SYNE1: variants seen among roughly 807,000 people sequenced by gnomAD.
SYNE1 encodes the protein spectrin repeat containing nuclear envelope protein 1.
In SYNE1, 616 loss-of-function variants were observed where a neutral mutation model predicts 1,111.0. The observed-to-expected ratio is 0.55, with a 90% CI of 0.52 to 0.59. The LOEUF (loss-of-function observed/expected upper bound fraction) is 0.59. SYNE1 is among the 20% of genes least tolerant of loss of function. The pLI, the probability that SYNE1 is intolerant of heterozygous loss-of-function variation, is 0.00. For missense variants in SYNE1, 10,006 were observed against 10,417.0 expected, an observed-to-expected ratio of 0.96 and a Z score of 1.72; for synonymous variants, 3,855 against 3,825.8, an observed-to-expected ratio of 1.01 and a Z score of -0.28.
chr6:152,493,966 G>A (rs772152850), intron 11 of SYNE1, among the ~76,000 whole-genome samples: 17 of 152,074 alleles, frequency 1.1e-4, no homozygotes, highest in Non-Finnish European at 2.1e-4. Context: ...TCACACACTA[G>A]CTCTCCCTAA....
At chr6:152,334,471 G>A (rs112034529) in intron 76 of SYNE1, among the ~76,000 whole-genome samples, 198 bp from the exon 77 acceptor site, 19 of 152,196 alleles carry the variant, frequency 1.2e-4, no homozygotes, top group African/African-American at 2.6e-4. Context: ...TAATTCCCAC[G>A]TGTGCAAGAT....
chr6:152,344,071 AGTTTACTACCTGCTTAATG>A lies in SYNE1; in HGVS notation c.12216_12225+9del. ...CACAAGAATAACACAAACTTTCAGGAGTTTACTACCTGCTTAATGGCTTCTGCCCTACTAAGAGGTGGTT... is the reference window on the plus strand; with the variant it reads ...CACAAGAATAACACAAACTTTCAGGAGCTTCTGCCCTACTAAGAGGTGGTT... On this transcript the variant is annotated splice_donor_variant and splice_donor_5th_base_variant and coding_sequence_variant and intron_variant, in exon 74 of 146. Transcript: ENST00000367255. LOFTEE classifies it high-confidence loss of function. The A allele has an allele frequency of 6.2e-7, 1 of 1,614,140 alleles. No individual in the cohort carries two copies. The highest frequency in any genetic ancestry group is 8.5e-7 in the Non-Finnish European group (1 of 1,180,004).
rs879443989 is a variant in SYNE1 at position 152,576,925 on chromosome 6, C to A, written c.68-36904G>T. Reference sequence around the variant, plus strand: ...AGATATATGGAAAATAGATTGGGGTCTAAAGCAAATAGCATTTTTAGTAAT... The same window carrying A: ...AGATATATGGAAAATAGATTGGGGTATAAAGCAAATAGCATTTTTAGTAAT... On this transcript the variant is annotated intron_variant, in intron 3 of 145. Transcript: ENST00000367255. Among the ~76,000 whole-genome samples, 71 of 152,116 alleles carry A rather than the reference C, an allele frequency of 4.7e-4. 1 individual carries two copies. The highest frequency in any genetic ancestry group is 5.6e-4 in the Non-Finnish European group (38 of 68,010).
In SYNE1 at chr6:152,385,541, G is replaced by C. The variant is rs2097513370; in HGVS notation, c.8652+133C>G. 1.4e-5 allele frequency: 13 copies of C among 942,952 alleles called. No homozygotes were observed. In the South Asian group the frequency reaches 1.9e-4, roughly 14 times the overall value. The allele number at this position is 942,952 out of a possible 1,614,324, so 58.4% of individuals were successfully genotyped here. A position where few individuals can be genotyped will look rare whatever the true frequency, so the allele number is the denominator to read the frequency against. On this transcript the variant is annotated intron_variant, in intron 55 of 145. Transcript: ENST00000367255. ...TTCTCATGACTCTTGTTTATGTGTAGAATCAGTGAGGCATCAAATAGAAAA... is the reference window on the plus strand; with the variant it reads ...TTCTCATGACTCTTGTTTATGTGTACAATCAGTGAGGCATCAAATAGAAAA...
In SYNE1 at chr6:152,455,458, C is replaced by T; in HGVS notation, c.2860G>A (p.Gly954Arg). Residue 954 changes from glycine (G) to arginine (R), a missense_variant, in exon 24 of 146, where the codon GGG becomes AGG. Gly to Arg is a moderately radical substitution (Grantham distance 125, BLOSUM62 -2). Around this residue, in one of 7 missense-constraint regions of SYNE1, gnomAD observed 1,971 missense variants for 2,084.1 expected, o/e 0.95. Coordinates refer to ENST00000367255, the MANE Select transcript of SYNE1 (RefSeq NM_182961.4). ...CTCCGCAGGAGCTCCTCTGGATCCCCCTTTTCCTCCAGGCCCTCCTGAGCA... is the reference window on the plus strand; with the variant it reads ...CTCCGCAGGAGCTCCTCTGGATCCCTCTTTTCCTCCAGGCCCTCCTGAGCA... ...RIAQEGLEEKGDPEELLRRHT... is the reference protein window; with the variant it reads ...RIAQEGLEEKRDPEELLRRHT... The T allele has an allele frequency of 6.2e-7, 1 of 1,614,164 alleles. No homozygotes were observed. The highest frequency in any genetic ancestry group is 8.5e-7 in the Non-Finnish European group (1 of 1,180,020).
intron 98 of SYNE1, chr6:152,277,758 A>G: frequency 2.5e-6 from 1 of 403,688 alleles, no homozygotes; most frequent in East Asian, 5.8e-5. Context: ...TCATTCCTCT[A>G]TATACCACTT....
At chr6:152,312,819 A>G (rs1160965433) in intron 87 of SYNE1, among the ~76,000 whole-genome samples, 2 of 152,126 alleles carry the variant, frequency 1.3e-5, no homozygotes, top group Admixed American at 6.6e-5. Context: ...AGGTCATAAC[A>G]TGACTATAGT....
At chr6:152,247,727 T>TTA (rs1183787546) in intron 105 of SYNE1, among the ~76,000 whole-genome samples, 2,512 of 117,598 alleles carry the variant, frequency 0.021, 34 homozygotes, top group South Asian at 0.036. Context: ...ATATTTTTTA[T>TTA]TATATATATA....
chr6:152,574,169 T>C (rs112493818), intron 3 of SYNE1, among the ~76,000 whole-genome samples: 13 of 143,172 alleles, frequency 9.1e-5, no homozygotes, highest in Admixed American at 2.2e-4. Context: ...TATGTATATA[T>C]ATACACACAT....
At position 152,321,873 on chromosome 6, in the gene SYNE1, C is replaced by T; in HGVS notation, c.15931G>A (p.Val5311Met). Residue 5311 changes from valine (V) to methionine (M), a missense_variant, in exon 83 of 146, where the codon GTG becomes ATG. Val to Met is a conservative substitution (Grantham distance 21). This residue lies in a region of SYNE1 where 4,955 missense variants were observed against 5,017.2 expected (regional missense o/e 0.99). Transcript: ENST00000367255. ...TTCACCAACTTTCCATTAGTCTTCACTTTCTCCTGCATGCTTCAGAAACAT... is the reference window on the plus strand; with the variant it reads ...TTCACCAACTTTCCATTAGTCTTCATTTTCTCCTGCATGCTTCAGAAACAT... ...QDRCLNMQEK[V>M]KTNGKLVKQE... 1.2e-6 allele frequency: 2 copies of T among 1,614,058 alleles called. No individual in the cohort carries two copies. The highest frequency in any genetic ancestry group is 4.5e-5 in the East Asian group (2 of 44,846).
intron 81 of SYNE1, among the ~76,000 whole-genome samples, 183 bp downstream of exon 81, chr6:152,324,901 C>T (rs767787406): frequency 5.3e-5 from 8 of 152,242 alleles, no homozygotes; most frequent in Non-Finnish European, 1.2e-4. Context: ...TGACTTGGGA[C>T]TAAACTGCAC....
chr6:152,433,910 T>A lies in SYNE1; in HGVS notation c.4346A>T (p.Asp1449Val). Residue 1449 changes from aspartate (D) to valine (V), a missense_variant, in exon 34 of 146, where the codon GAT becomes GTT. Transcript: ENST00000367255. ...KTMEMVKTKWDHFGSNFETLS... is the reference protein window; with the variant it reads ...KTMEMVKTKWVHFGSNFETLS... ...AGTCTCAAAATTACTGCCAAAATGATCCCACTTGGTTTTCACCATTTCCAT... is the reference window on the plus strand; with the variant it reads ...AGTCTCAAAATTACTGCCAAAATGAACCCACTTGGTTTTCACCATTTCCAT... 1 of 1,613,668 alleles carries A rather than the reference T, an allele frequency of 6.2e-7. No individual in the cohort carries two copies. The highest frequency in any genetic ancestry group is 8.5e-7 in the Non-Finnish European group (1 of 1,179,762).
chr6:152,436,069 G>T lies in SYNE1; in HGVS notation c.4182C>A (p.Val1394=). The change falls in exon 33 of 146, where the codon GTC becomes GTA. Residue 1394 remains valine (V), a synonymous_variant. Coordinates refer to ENST00000367255, the MANE Select transcript of SYNE1 (RefSeq NM_182961.4). ...CTTCCTTTACAAGGTTCTCAGCCTG[G>T]ACTGCAATACTTTCTGTCCGTTTAG... ...EFSKRTESIA[V]QAENLVKEAS... The T allele has an allele frequency of 6.2e-7, 1 of 1,614,016 alleles. No individual in the cohort carries two copies. The highest frequency in any genetic ancestry group is 8.5e-7 in the Non-Finnish European group (1 of 1,179,996).
intron 11 of SYNE1, among the ~76,000 whole-genome samples, chr6:152,492,533 G>A (rs1232436334): frequency 6.6e-6 from 1 of 152,186 alleles, no homozygotes; most frequent in Non-Finnish European, 1.5e-5. Flanking sequence ...CACAGCCTGG[G>A]ATTCCTCCTA....
chr6:152,418,322 C>A (rs2098196524), intron 40 of SYNE1, among the ~76,000 whole-genome samples: 1 of 152,156 alleles, frequency 6.6e-6, no homozygotes, highest in Non-Finnish European at 1.5e-5. Context: ...CTCTCTCAGT[C>A]TGTTTGGATG....
chr6:152,562,628 A>G (rs557790334), intron 3 of SYNE1, among the ~76,000 whole-genome samples: 12 of 152,308 alleles, frequency 7.9e-5, no homozygotes, highest in African/African-American at 2.9e-4. Context: ...CACAACAGCT[A>G]AGATGTGGAA....
intron 53 of SYNE1, 57 bp downstream of exon 53, chr6:152,390,223 T>A: frequency 6.3e-7 from 1 of 1,596,264 alleles, no homozygotes; most frequent in South Asian, 1.1e-5. Flanking sequence ...TACTGCTCCA[T>A]CATTTTACTA....
intron 100 of SYNE1, among the ~76,000 whole-genome samples, chr6:152,264,974 C>T (rs1279432602): frequency 6.6e-6 from 1 of 151,894 alleles, no homozygotes; most frequent in Non-Finnish European, 1.5e-5. Context: ...TTTTGGGAGG[C>T]CAAGGTGGGT....
intron 13 of SYNE1, among the ~76,000 whole-genome samples, 182 bp from the exon 14 acceptor site, chr6:152,483,431 A>T (rs2098920195): frequency 6.6e-6 from 1 of 152,184 alleles, no homozygotes; most frequent in Non-Finnish European, 1.5e-5. Context: ...TGGGGAGAAA[A>T]TTACAGTTAA....
Sources: allele counts gnomAD v4.1 joint callset (sites outside exome capture counted in the v4.1 genomes callset), GRCh38; gene constraint gnomAD v4.1.1; regional missense constraint gnomAD v4.1.1; transcripts MANE v1.5; gene names NCBI Gene and HGNC (gene_info 2026-07-23, HGNC 2026-07-21).